LMO7: variants seen among roughly 807,000 people sequenced by gnomAD.
The protein encoded by LMO7 is LIM domain only protein 7.
Under a neutral mutation model 206.5 loss-of-function variants are expected in LMO7, and 120 were observed. The ratio of observed to expected loss-of-function variants is 0.58; its 90% CI spans 0.50 to 0.68. The LOEUF is 0.68. Among genes scored for constraint, LMO7 ranks in the 30% least tolerant of loss-of-function variants. The pLI, the probability that LMO7 is intolerant of heterozygous loss-of-function variation, is 0.00. For missense variants in LMO7, 1,959 were observed against 1,957.9 expected (o/e 1.00, Z -0.01); for synonymous variants, 706 against 681.5 (o/e 1.04, Z -0.56).
At chr13:75,737,842 CA>C (rs768622923) in intron 3 of LMO7, among the ~76,000 whole-genome samples, 552 of 37,720 alleles carry the variant, frequency 0.015, 2 homozygotes, top group African/African-American at 0.051. Context: ...AGGAAGCTGC[CA>C]AAAAAAAAAA....
chr13:75,623,384 T>C, intron 2 of LMO7: 1 of 894,066 alleles, frequency 1.1e-6, no homozygotes, highest in Middle Eastern at 2.3e-4. Context: ...TTCTTTTTGA[T>C]ACGGAGTCTT....
intron 1 of LMO7, among the ~76,000 whole-genome samples, chr13:75,712,479 A>G (rs1163435821): frequency 6.6e-6 from 1 of 152,136 alleles, no homozygotes; most frequent in Non-Finnish European, 1.5e-5. Context: ...TCAGAGAGAG[A>G]ATCTAGAGAT....
upstream of LMO7, among the ~76,000 whole-genome samples, chr13:75,633,029 C>CT (rs777684517): frequency 7.9e-5 from 12 of 151,538 alleles, no homozygotes; most frequent in South Asian, 1.5e-3. Flanking sequence ...ACCTAGCTAA[C>CT]TTTTTTTGTA....
At chr13:75,632,861 A>ATTTTTTTTTTTTTTT (rs1339104269), upstream of LMO7, among the ~76,000 whole-genome samples, 3 of 30,540 alleles carry the variant, frequency 9.8e-5, no homozygotes, top group East Asian at 9.5e-4. Flanking sequence ...ATTACTTAAA[A>ATTTTTTTTTTTTTTT]GTTTTTTTTT....
rs750206625 is a variant in LMO7 at position 75,834,339 on chromosome 13, C to T, written c.3178C>T (p.Gln1060Ter). ...KEWEEAMAKAQETGHLVMDVR... is the reference protein window; with the variant it reads ...KEWEEAMAKA ...GTGGGAGGAAGCCATGGCTAAGGCT[C>T]AAGAAACTGGACACCTAGTGATGGA... The change falls in exon 17 of 31, where the codon CAA (glutamine) becomes TAA (stop). Residue 1060 changes from glutamine (Q) to a stop codon, truncating the protein, a stop_gained. Coordinates refer to ENST00000377534, the MANE Select transcript of LMO7 (RefSeq NM_001306080.2). LOFTEE classifies it high-confidence loss of function. 1.9e-6 allele frequency: 3 copies of T among 1,609,900 alleles called. No homozygotes were observed. In the African/African-American group the frequency reaches 4.0e-5, roughly 22 times the overall value.
At chr13:75,849,314 G>A in intron 27 of LMO7, 22 bp downstream of exon 27, 1 of 1,580,170 alleles carries the variant, frequency 6.3e-7, no homozygotes, top group Non-Finnish European at 8.7e-7. Context: ...CTTAGGAATT[G>A]GTTTCTTGTC....
At chr13:75,717,185 A>G (rs1245118914) in intron 2 of LMO7, among the ~76,000 whole-genome samples, 3 of 151,950 alleles carry the variant, frequency 2.0e-5, no homozygotes, top group Admixed American at 2.0e-4. Flanking sequence ...AACATGGCGA[A>G]ACCCCGTCTC....
At chr13:75,776,196 T>TATATATATATATATATATATATAG in intron 4 of LMO7, among the ~76,000 whole-genome samples, 1 of 108,110 alleles carries the variant, frequency 9.2e-6, no homozygotes, top group Non-Finnish European at 1.9e-5. Flanking sequence ...TATATATATA[T>TATATATATATATATATATATATAG]ATATATATAA....
chr13:75,675,010 A>G (rs2039887668), intron 1 of LMO7, among the ~76,000 whole-genome samples: 2 of 152,014 alleles, frequency 1.3e-5, no homozygotes, highest in South Asian at 4.1e-4. Flanking sequence ...TAGTCCTGTT[A>G]TTTGTAATTT....
intron 1 of LMO7, among the ~76,000 whole-genome samples, chr13:75,686,489 A>G (rs2041006285): frequency 6.6e-6 from 1 of 150,966 alleles, no homozygotes; most frequent in South Asian, 2.1e-4. Flanking sequence ...GCCACACCAT[A>G]TCAAGGGGTA....
At position 75,805,726 on chromosome 13, in the gene LMO7, T is replaced by G. The variant is rs1203712992; in HGVS notation, c.1162T>G (p.Tyr388Asp). 1 of 1,613,976 alleles carries G rather than the reference T, an allele frequency of 6.2e-7. No homozygotes were observed. The highest frequency in any genetic ancestry group is 1.1e-5 in the South Asian group (1 of 91,078). The part of the protein sequence containing the change: ...VNWKRIKRET[Y>D]KPWYKEFQGF... ...CTGGAAAAGAATAAAAAGGGAAACTTATAAGCCATGGTATAAAGAATTTCA... is the reference window on the plus strand; with the variant it reads ...CTGGAAAAGAATAAAAAGGGAAACTGATAAGCCATGGTATAAAGAATTTCA... The change falls in exon 9 of 31, where the codon TAT becomes GAT. Residue 388 changes from tyrosine to aspartate, a missense_variant. Transcript: ENST00000377534.
chr13:75,722,696 G>A (rs2044127450), intron 2 of LMO7, among the ~76,000 whole-genome samples: 1 of 152,162 alleles, frequency 6.6e-6, no homozygotes, highest in African/African-American at 2.4e-5. Context: ...GTCATTATAT[G>A]AAAAAGATAC....
intron 3 of LMO7, among the ~76,000 whole-genome samples, chr13:75,731,702 TTGA>T (rs1007630309): frequency 3.8e-4 from 58 of 152,308 alleles, no homozygotes; most frequent in African/African-American, 1.4e-3. Flanking sequence ...TGCTCGTTAG[TTGA>T]TGTAGTTTCT....
chr13:75,849,196 G>A lies in LMO7; in HGVS notation c.4268G>A (p.Arg1423Lys), dbSNP rs1254353670. 1 of 1,614,042 alleles carries A rather than the reference G, an allele frequency of 6.2e-7. No homozygotes were observed. The highest frequency in any genetic ancestry group is 8.5e-7 in the Non-Finnish European group (1 of 1,179,892). Residue 1423 changes from arginine (R) to lysine (K), a missense_variant, in exon 27 of 31, where the codon AGG becomes AAG. Transcript: ENST00000377534. ...LERQQILQEMRKRTPLHNDNS... is the reference protein window; with the variant it reads ...LERQQILQEMKKRTPLHNDNS... Reference sequence around the variant, plus strand: ...AGGCAACAAATCCTTCAGGAAATGAGGAAGAGAACACCCCTTCACAATGAC... The same window carrying A: ...AGGCAACAAATCCTTCAGGAAATGAAGAAGAGAACACCCCTTCACAATGAC...
intron 1 of LMO7, among the ~76,000 whole-genome samples, chr13:75,673,184 TTGA>T (rs1317675322): frequency 6.6e-6 from 1 of 152,250 alleles, no homozygotes; most frequent in African/African-American, 2.4e-5. Context: ...AGGATTTGTC[TTGA>T]TAGACAACCA....
intron 6 of LMO7, among the ~76,000 whole-genome samples, chr13:75,799,338 C>A (rs1015034395): frequency 6.6e-6 from 1 of 152,132 alleles, no homozygotes; most frequent in African/African-American, 2.4e-5. Flanking sequence ...AGATATGCAC[C>A]GTCTGGTTCA....
At chr13:75,657,971 T>C (rs745340070) in intron 1 of LMO7, among the ~76,000 whole-genome samples, 23 of 152,220 alleles carry the variant, frequency 1.5e-4, no homozygotes, top group Non-Finnish European at 2.9e-4. Context: ...TTTGTAATTT[T>C]ATATTCACAT....
At chr13:75,722,600 A>G (rs1315279589) in intron 2 of LMO7, among the ~76,000 whole-genome samples, 4 of 152,166 alleles carry the variant, frequency 2.6e-5, no homozygotes, top group Admixed American at 2.6e-4. Flanking sequence ...GCTGGTGGGA[A>G]TGTAAACTAG....
intron 4 of LMO7, among the ~76,000 whole-genome samples, chr13:75,783,829 A>T (rs1404219214): frequency 1.3e-5 from 2 of 152,022 alleles, no homozygotes; most frequent in African/African-American, 4.8e-5. Context: ...TTTTTCATTA[A>T]CTTCTTAGGT....
Sources: allele counts gnomAD v4.1 joint callset (sites outside exome capture counted in the v4.1 genomes callset), GRCh38; gene constraint gnomAD v4.1.1; transcripts MANE v1.5; gene names NCBI Gene and HGNC (gene_info 2026-07-23, HGNC 2026-07-21).